The following APIP variants were observed in gnomAD, a reference collection of about 807,000 sequenced individuals.
APIP encodes methylthioribulose-1-phosphate dehydratase.
In APIP, 32 loss-of-function variants were observed where a neutral mutation model predicts 32.0. That is an observed-to-expected ratio of 1.00 (90% CI 0.76 to 1.34). The LOEUF (loss-of-function observed/expected upper bound fraction) is 1.34. Among genes scored for constraint, APIP ranks in the 40% most tolerant of loss-of-function variants. The pLI is 0.00. For missense variants in APIP, 247 were observed against 298.6 expected (o/e 0.83, Z 1.27); for synonymous variants, 92 against 94.8 (o/e 0.97, Z 0.17).
At position 34,902,473 on chromosome 11, in the gene APIP, A is replaced by T. The variant is rs190366995; in HGVS notation, c.58-7363T>A. Among the ~76,000 whole-genome samples, 380 of 152,144 alleles carry T rather than the reference A, an allele frequency of 2.5e-3. 1 individual carries two copies. Among genetic ancestry groups the T allele is most frequent in the African/African-American group, 8.5e-3 (350 of 41,406 alleles). On this transcript the variant is annotated intron_variant, in intron 1 of 6. Transcript: ENST00000395787. ...GGCCCAGCTCTGCAAAACCTCAGTG[A>T]AGTATCTAGGATTAGTACTGTCCAA...
chr11:34,891,654 T>TA lies in APIP; in HGVS notation c.159-1103dup, dbSNP rs531090229. ...CAAAGTTTCTTTAAGGTTCCACTGATAAAGTCTAGAAAACAAATGTCTGAT... is the reference window on the plus strand; with the variant it reads ...CAAAGTTTCTTTAAGGTTCCACTGATAAAAGTCTAGAAAACAAATGTCTGAT... On this transcript the variant is annotated intron_variant, in intron 2 of 6. Coordinates refer to ENST00000395787, the MANE Select transcript of APIP (RefSeq NM_015957.4). 2.8e-3 allele frequency among the ~76,000 whole-genome samples: 428 copies of TA among 152,294 alleles called. 2 individuals carry two copies. Among genetic ancestry groups the TA allele is most frequent in the Middle Eastern group, 0.024 (7 of 294 alleles).
At chr11:34,899,171 G>A (rs759543252) in intron 1 of APIP, among the ~76,000 whole-genome samples, 1 of 152,064 alleles carries the variant, frequency 6.6e-6, no homozygotes, top group African/African-American at 2.4e-5. Context: ...GCCCGGCCTC[G>A]AGCAAATAGT....
intron 1 of APIP, 142 bp downstream of exon 1, chr11:34,916,086 G>A: frequency 1.8e-6 from 2 of 1,108,300 alleles, no homozygotes; most frequent in Non-Finnish European, 1.2e-6. Flanking sequence ...GTCGCGGTGC[G>A]CCGGGGTAGC....
intron 3 of APIP, 31 bp from the exon 4 acceptor site, chr11:34,888,900 G>A: frequency 1.6e-6 from 2 of 1,288,350 alleles, no homozygotes; most frequent in Non-Finnish European, 2.1e-6. Context: ...AAGAAAAAAA[G>A]AAGGCTTGTA....
chr11:34,885,064 G>GTA (rs1294098976), intron 5 of APIP, among the ~76,000 whole-genome samples: 1 of 140,028 alleles, frequency 7.1e-6, no homozygotes, highest in African/African-American at 2.5e-5. Context: ...TTATGTATAT[G>GTA]TATACATTAT....
chr11:34,886,645 T>C (rs1853076558), intron 5 of APIP, among the ~76,000 whole-genome samples: 1 of 152,218 alleles, frequency 6.6e-6, no homozygotes, highest in Non-Finnish European at 1.5e-5. Context: ...GCTCCGTTCA[T>C]GGTCAGGGCC....
intron 1 of APIP, 39 bp downstream of exon 1, chr11:34,916,189 C>A (rs1285817035): frequency 1.9e-6 from 3 of 1,597,266 alleles, no homozygotes; most frequent in Non-Finnish European, 2.6e-6. Context: ...CTGGGCCTCT[C>A]CTCCTGGGAA....
chr11:34,914,385 C>T (rs1262837659), intron 1 of APIP, among the ~76,000 whole-genome samples: 1 of 152,204 alleles, frequency 6.6e-6, no homozygotes, highest in South Asian at 2.1e-4. Context: ...ATTCCCCTTC[C>T]TTAAGGCCAA....
At chr11:34,905,788 A>T (rs1853440695) in intron 1 of APIP, among the ~76,000 whole-genome samples, 2 of 152,152 alleles carry the variant, frequency 1.3e-5, no homozygotes, top group Non-Finnish European at 2.9e-5. Flanking sequence ...ATTGTAAAGA[A>T]TAACAGATGG....
Position 34,895,007 on chromosome 11 carries a change from T to C in APIP, c.158+3A>G. 6.2e-7 allele frequency: 1 copy of C among 1,612,906 alleles called. No individual in the cohort carries two copies. The highest frequency in any genetic ancestry group is 8.5e-7 in the Non-Finnish European group (1 of 1,178,926). ...CCAGTAATAAAGGCTGCCAGAAACTTACCCATGCTTCAAGCTAATTCCTCC... is the reference window on the plus strand; with the variant it reads ...CCAGTAATAAAGGCTGCCAGAAACTCACCCATGCTTCAAGCTAATTCCTCC... On this transcript the variant is annotated splice_donor_region_variant and intron_variant, in intron 2 of 6. Coordinates refer to ENST00000395787, the MANE Select transcript of APIP (RefSeq NM_015957.4).
At chr11:34,888,460 A>G (rs371778492) in intron 4 of APIP, 32 bp from the exon 5 acceptor site, 2 of 1,597,056 alleles carry the variant, frequency 1.3e-6, no homozygotes, top group African/African-American at 1.4e-5. Context: ...CGCATGCTCA[A>G]TGAAGACTGA....
intron 3 of APIP, 66 bp downstream of exon 3, chr11:34,890,438 A>G (rs1590704196): frequency 7.6e-6 from 11 of 1,442,238 alleles, no homozygotes; most frequent in Non-Finnish European, 1.0e-5. Context: ...CTTAAAATTA[A>G]TTCCATTTCA....
chr11:34,902,896 A>G (rs138687904), intron 1 of APIP, among the ~76,000 whole-genome samples: 45 of 152,326 alleles, frequency 3.0e-4, no homozygotes, highest in African/African-American at 1.1e-3. Flanking sequence ...TTTGGTGGCT[A>G]AAGGATGGCC....
At chr11:34,891,578 G>A (rs117623336) in intron 2 of APIP, among the ~76,000 whole-genome samples, 1,844 of 152,230 alleles carry the variant, frequency 0.012, 18 homozygotes, top group Non-Finnish European at 0.016. Context: ...CTGAAGTTCA[G>A]GTTGCTAATA....
chr11:34,914,960 C>T (rs1017855664), intron 1 of APIP, among the ~76,000 whole-genome samples: 39 of 144,086 alleles, frequency 2.7e-4, no homozygotes, highest in African/African-American at 9.7e-4. Context: ...GCTGAGATCA[C>T]GCCACTGCAC....
chr11:34,884,810 A>C (rs1853033712), intron 5 of APIP, among the ~76,000 whole-genome samples: 1 of 152,130 alleles, frequency 6.6e-6, no homozygotes, highest in African/African-American at 2.4e-5. Context: ...AGAGAACCAT[A>C]AACATATTTT....
intron 1 of APIP, among the ~76,000 whole-genome samples, chr11:34,902,383 C>T (rs1443128477): frequency 6.6e-6 from 1 of 152,218 alleles, no homozygotes; most frequent in Non-Finnish European, 1.5e-5. Context: ...GGAAGCTTCT[C>T]AGGAAGGCAC....
chr11:34,915,670 G>A (rs1853661830), intron 1 of APIP, among the ~76,000 whole-genome samples: 1 of 152,166 alleles, frequency 6.6e-6, no homozygotes, highest in African/African-American at 2.4e-5. Flanking sequence ...ATTTCCCTTT[G>A]ACTTCGGCTT....
chr11:34,896,003 G>A (rs1853263169), intron 1 of APIP, among the ~76,000 whole-genome samples: 1 of 152,168 alleles, frequency 6.6e-6, no homozygotes, highest in African/African-American at 2.4e-5. Flanking sequence ...ATAAGTTGTT[G>A]AGCTGGCAAG....
Sources: gnomAD v4.1 joint callset for allele counts (sites outside exome capture counted in the v4.1 genomes callset) on GRCh38, gnomAD v4.1.1 for gene constraint, MANE v1.5 for transcripts, NCBI Gene and HGNC (gene_info 2026-07-23, HGNC 2026-07-21) for gene names.